Variants in TEC observed in about 807,000 individuals in gnomAD.
TEC encodes the protein tec protein tyrosine kinase, also known as tyrosine-protein kinase Tec.
TEC carries 72 observed loss-of-function variants against 93.0 expected under a neutral mutation model. The ratio of observed to expected loss-of-function variants is 0.77; its 90% CI spans 0.64 to 0.94. The LOEUF (loss-of-function observed/expected upper bound fraction) is 0.94, where lower values mean the gene tolerates loss of function less well. Among genes scored for constraint, TEC ranks in the 40% least tolerant of loss-of-function variants. TEC has a pLI of 0.00. For synonymous variants in TEC, 249 were observed against 247.7 expected (o/e 1.01, Z -0.05); for missense variants, 630 against 757.9 (o/e 0.83, Z 1.98).
At chr4:48,154,804 A>C (rs2109522502) in intron 9 of TEC, among the ~76,000 whole-genome samples, 1 of 152,350 alleles carries the variant, frequency 6.6e-6, no homozygotes, top group Middle Eastern at 3.4e-3. Context: ...CAAGGGTCTT[A>C]ATACAACACT....
intron 2 of TEC, among the ~76,000 whole-genome samples, chr4:48,177,933 A>G (rs1051976317): frequency 2.0e-5 from 3 of 152,078 alleles, no homozygotes; most frequent in Non-Finnish European, 2.9e-5. Flanking sequence ...CCATGATTGT[A>G]AGTTTCCTGA....
chr4:48,145,712 A>T, intron 12 of TEC, 133 bp from the exon 13 acceptor site: 1 of 1,015,096 alleles, frequency 9.9e-7, no homozygotes, highest in Non-Finnish European at 1.4e-6. Context: ...TCCTGGTAAA[A>T]CACAGAACAG....
rs1230685862 is a variant in TEC, at chr4:48,135,813, C to T, written c.*1603G>A. 2.0e-5 allele frequency: 3 copies of T among 152,184 alleles called. No individual in the cohort carries two copies. Among genetic ancestry groups the T allele is most frequent in the African/African-American group, 7.2e-5 (3 of 41,430 alleles). The allele number at this position is 152,184 out of a possible 1,614,324, so 9.4% of individuals were successfully genotyped here. A position where few individuals can be genotyped will look rare whatever the true frequency, so the allele number is the denominator to read the frequency against. On this transcript the variant is annotated 3_prime_UTR_variant, in exon 18 of 18. Coordinates refer to ENST00000381501, the MANE Select transcript of TEC (RefSeq NM_003215.3). ...CTCGGGATAAGCAGTTTACTTTCTT[C>T]CATTATGAGGGGCACAGGAAAAGAA... is the stretch of plus-strand genomic sequence containing the variant.
chr4:48,219,760 T>A (rs1419956134), intron 2 of TEC, among the ~76,000 whole-genome samples: 1 of 152,150 alleles, frequency 6.6e-6, no homozygotes, highest in Non-Finnish European at 1.5e-5. Context: ...TTGTCTTATA[T>A]GCAATAAATA....
At chr4:48,249,923 T>C (rs1165878748) in intron 1 of TEC, among the ~76,000 whole-genome samples, 4 of 152,250 alleles carry the variant, frequency 2.6e-5, no homozygotes, top group Admixed American at 1.3e-4. Context: ...CAGTTACGCA[T>C]AGACTAGAAG....
At chr4:48,229,713 G>A (rs370459242) in intron 1 of TEC, among the ~76,000 whole-genome samples, 26 of 149,990 alleles carry the variant, frequency 1.7e-4, no homozygotes, top group African/African-American at 5.7e-4. Flanking sequence ...GAGGTGGAGC[G>A]TGGAGTGAGC....
intron 8 of TEC, among the ~76,000 whole-genome samples, chr4:48,160,452 GGAGGTGGCTCACGTCT>G (rs1335829723): frequency 6.6e-6 from 1 of 152,034 alleles, no homozygotes; most frequent in African/African-American, 2.4e-5. Flanking sequence ...TTTGGCCAGG[GGAGGTGGCTCACGTCT>G]GTAATGCCAG....
intron 2 of TEC, among the ~76,000 whole-genome samples, chr4:48,204,214 T>C (rs1286155208): frequency 6.6e-6 from 1 of 152,236 alleles, no homozygotes. Flanking sequence ...TAACGGTTTA[T>C]ACAAACAAAA....
intron 2 of TEC, among the ~76,000 whole-genome samples, chr4:48,180,220 GGACT>G (rs1347530956): frequency 6.6e-6 from 1 of 152,106 alleles, no homozygotes; most frequent in East Asian, 1.9e-4. Flanking sequence ...AACAATATTT[GGACT>G]GACTTTCTCC....
At chr4:48,166,465 AT>A (rs1720877933) in intron 7 of TEC, among the ~76,000 whole-genome samples, 1 of 152,176 alleles carries the variant, frequency 6.6e-6, no homozygotes, top group African/African-American at 2.4e-5. Flanking sequence ...TCTACAGACG[AT>A]CTTATTTAAA....
intron 5 of TEC, among the ~76,000 whole-genome samples, chr4:48,169,635 G>A (rs1032313011): frequency 3.3e-5 from 5 of 152,076 alleles, no homozygotes; most frequent in East Asian, 1.9e-4. Flanking sequence ...AGCAGGAAAC[G>A]GTATATCCAA....
At chr4:48,259,544 C>T (rs1724439787) in intron 1 of TEC, among the ~76,000 whole-genome samples, 1 of 152,048 alleles carries the variant, frequency 6.6e-6, no homozygotes, top group African/African-American at 2.4e-5. Flanking sequence ...GGCAAAAGCT[C>T]ACCTCTACTA....
chr4:48,193,777 G>GT (rs113925714), intron 2 of TEC, among the ~76,000 whole-genome samples: 222 of 147,468 alleles, frequency 1.5e-3, no homozygotes, highest in Non-Finnish European at 1.9e-3. Context: ...ATGTGTTAGG[G>GT]TTTTTTTTTT....
chr4:48,229,988 T>A (rs1403623369), intron 1 of TEC, among the ~76,000 whole-genome samples: 1 of 151,512 alleles, frequency 6.6e-6, no homozygotes, highest in Non-Finnish European at 1.5e-5. Context: ...GGCAGGAGAA[T>A]CGCTTGAACC....
intron 1 of TEC, among the ~76,000 whole-genome samples, chr4:48,249,974 C>G (rs1724159333): frequency 6.6e-6 from 1 of 152,210 alleles, no homozygotes; most frequent in Non-Finnish European, 1.5e-5. Flanking sequence ...TAGATCCCAG[C>G]CAAGGCATGC....
intron 10 of TEC, 69 bp downstream of exon 10, chr4:48,150,794 C>T (rs753019335): frequency 4.0e-5 from 43 of 1,083,554 alleles, no homozygotes; most frequent in Non-Finnish European, 5.2e-5. Context: ...AATTAGGAAT[C>T]CATATAAACT....
At chr4:48,246,664 G>A (rs1181832271) in intron 1 of TEC, among the ~76,000 whole-genome samples, 6 of 151,968 alleles carry the variant, frequency 3.9e-5, no homozygotes, top group Admixed American at 6.6e-5. Context: ...CATCCAATGC[G>A]GAAAGAAAAA....
intron 2 of TEC, among the ~76,000 whole-genome samples, chr4:48,204,875 G>A (rs1158857512): frequency 2.0e-5 from 3 of 152,146 alleles, no homozygotes; most frequent in South Asian, 2.1e-4. Context: ...GCCACGCACC[G>A]AAACCGGTAC....
intron 2 of TEC, among the ~76,000 whole-genome samples, chr4:48,210,496 T>TGGAGGA (rs112088688): frequency 0.13 from 19,638 of 147,600 alleles, 2,298 homozygotes; most frequent in East Asian, 0.31. Flanking sequence ...ATAAAAAAAA[T>TGGAGGA]GGAGGAGGAG....
Sources: gnomAD v4.1 joint callset for allele counts (sites outside exome capture counted in the v4.1 genomes callset) on GRCh38, gnomAD v4.1.1 for gene constraint, MANE v1.5 for transcripts, NCBI Gene and HGNC (gene_info 2026-07-23, HGNC 2026-07-21) for gene names.